Variants in CTBP1 observed in about 807,000 individuals in gnomAD.
The protein encoded by CTBP1 is C-terminal-binding protein 1.
A neutral mutation model predicts 42.1 loss-of-function variants in CTBP1; 11 were observed. The observed-to-expected ratio is 0.26, with a 90% CI of 0.16 to 0.43. The LOEUF (loss-of-function observed/expected upper bound fraction) is 0.43, where lower values mean the gene tolerates loss of function less well. Ranked by LOEUF, CTBP1 falls within the 20% of genes least tolerant of loss-of-function variation. CTBP1 has a pLI of 1.00. For synonymous variants in CTBP1, 324 were observed against 277.1 expected (o/e 1.17, Z -1.68); for missense variants, 399 against 624.3 (o/e 0.64, Z 3.85).
intron 1 of CTBP1, chr4:1,243,544 C>T (rs1288893014): frequency 1.0e-6 from 1 of 985,288 alleles, no homozygotes; most frequent in African/African-American, 1.7e-5. Context: ...GGTCTGCCCA[C>T]CATCTGCACC....
chr4:1,241,681 G>A (rs1732191966), intron 1 of CTBP1, 162 bp from the exon 2 acceptor site: 9 of 1,273,466 alleles, frequency 7.1e-6, no homozygotes, highest in African/African-American at 1.5e-5. Context: ...ACAGCCAGGG[G>A]CCCCGGCTCC....
chr4:1,245,034 G>A (rs1422781570), intron 1 of CTBP1: 36 of 985,320 alleles, frequency 3.7e-5, no homozygotes, highest in Non-Finnish European at 4.3e-5. Flanking sequence ...ACTGGGCTGA[G>A]AGCACGGGGC....
chr4:1,241,371 C>G lies in CTBP1; in HGVS notation c.-40G>C. On this transcript the variant is annotated 5_prime_UTR_variant, in exon 2 of 10. Coordinates refer to ENST00000382952, the MANE Select transcript of CTBP1 (RefSeq NM_001012614.2). ...TCAGCTTCCACGACCATGAATTCGACTTTTCAAAGCTTTTTATCTTCAGGA... is the reference window on the plus strand; with the variant it reads ...TCAGCTTCCACGACCATGAATTCGAGTTTTCAAAGCTTTTTATCTTCAGGA... 1 of 1,093,232 alleles carries G rather than the reference C, an allele frequency of 9.1e-7. No individual in the cohort carries two copies. The highest frequency in any genetic ancestry group is 1.4e-6 in the Non-Finnish European group (1 of 703,764). 67.7% of individuals were successfully genotyped at this position (1,093,232 alleles called of 1,614,324 possible).
chr4:1,230,275 C>G (rs925582910), intron 3 of CTBP1, among the ~76,000 whole-genome samples: 3 of 152,206 alleles, frequency 2.0e-5, no homozygotes, highest in African/African-American at 7.2e-5. Flanking sequence ...GCGACTGGTG[C>G]ACAGCTGTGG....
At position 1,212,326 on chromosome 4, in the gene CTBP1, G is replaced by T. The variant is rs1270025509; in HGVS notation, c.1204C>A (p.Pro402Thr). The change falls in exon 10 of 10, where the codon CCT becomes ACT. Residue 402 changes from proline (P) to threonine (T), a missense_variant. By Grantham distance (38) the Pro-to-Thr change is conservative (BLOSUM62 -1). This residue lies in a region of CTBP1 where 60 missense variants were observed against 46.5 expected (regional missense o/e 1.29). Coordinates refer to ENST00000382952, the MANE Select transcript of CTBP1 (RefSeq NM_001012614.2). ...GGGGCGTGGGGCGGGTGGGCCACAG[G>T]GGGCAGGCCGTGGGACAGGGACATG... ...SAMSLSHGLP[P>T]VAHPPHAPSP... 4 of 1,518,938 alleles carry T rather than the reference G, an allele frequency of 2.6e-6. No homozygotes were observed. The highest frequency in any genetic ancestry group is 2.9e-5 in the African/African-American group (2 of 69,398). The allele number at this position is 1,518,938 out of a possible 1,614,324, so 94.1% of individuals were successfully genotyped here.
At chr4:1,245,551 A>T (rs760292341) in intron 1 of CTBP1, 5 of 983,574 alleles carry the variant, frequency 5.1e-6, no homozygotes, top group Non-Finnish European at 6.0e-6. Context: ...GCGGCAGGTC[A>T]GGGTGGCACA....
Position 1,216,143 on chromosome 4 carries a change from C to T in CTBP1, c.577G>A (p.Asp193Asn). 1 of 1,611,210 alleles carries T rather than the reference C, an allele frequency of 6.2e-7. No individual in the cohort carries two copies. Among genetic ancestry groups the T allele is most frequent in the Non-Finnish European group, 8.5e-7 (1 of 1,179,868 alleles). Residue 193 changes from aspartate to asparagine, a missense_variant, in exon 6 of 10, where the codon GAC becomes AAC. Around this residue, in one of 4 missense-constraint regions of CTBP1, gnomAD observed 309 missense variants for 497.5 expected, o/e 0.62. Coordinates refer to ENST00000382952, the MANE Select transcript of CTBP1 (RefSeq NM_001012614.2). ...KAFGFNVLFY[D>N]PYLSDGVERA... is the part of the protein sequence containing the mutation. ...TCCACGCCATCCGACAAGTAAGGGT[C>T]GTAGAAGAGCACGTTGAAGCCGAAG... is the stretch of plus-strand genomic sequence containing the variant.
At position 1,214,374 on chromosome 4, in the gene CTBP1, C is replaced by T; in HGVS notation, c.829G>A (p.Ala277Thr). 1 of 1,566,594 alleles carries T rather than the reference C, an allele frequency of 6.4e-7. No homozygotes were observed. Among genetic ancestry groups the T allele is most frequent in the Non-Finnish European group, 8.6e-7 (1 of 1,162,106 alleles). The change falls in exon 7 of 10, where the codon GCC becomes ACC. Residue 277 changes from alanine (A) to threonine (T), a missense_variant. By Grantham distance (58) the Ala-to-Thr change is moderately conservative. Around this residue, in one of 4 missense-constraint regions of CTBP1, gnomAD observed 309 missense variants for 497.5 expected, o/e 0.62. Transcript: ENST00000382952. ...GGTTCCGACTCGTGCACATCCAGGG[C>T]CGCGCCGCGGATCCGGCCCTCCTTC... Reference protein sequence around the residue: ...ALKEGRIRGAALDVHESEPFS... With the variant: ...ALKEGRIRGATLDVHESEPFS...
intron 1 of CTBP1, among the ~76,000 whole-genome samples, chr4:1,248,062 C>A (rs1409828827): frequency 6.6e-6 from 1 of 152,236 alleles, no homozygotes; most frequent in Non-Finnish European, 1.5e-5. Flanking sequence ...GCCTTTGCAG[C>A]CGGGTCGAGG....
At chr4:1,215,737 A>T in intron 6 of CTBP1, 2 of 543,334 alleles carry the variant, frequency 3.7e-6, no homozygotes, top group Non-Finnish European at 6.6e-6. Context: ...GCTTCAGGGG[A>T]ATTTGGTGTT....
At position 1,234,046 on chromosome 4, in the gene CTBP1, G is replaced by A. The variant is rs1272222835; in HGVS notation, c.162+4137C>T. Among the ~76,000 whole-genome samples, 4 of 152,206 alleles carry A rather than the reference G, an allele frequency of 2.6e-5. No homozygotes were observed. The East Asian group carries it at 7.7e-4, about 29-fold the overall frequency. ...GTTCCAGCCAGCAGGGACGAGGAGGGGACGGCAGGGAGAGGCCCTGCTCCC... is the reference window on the plus strand; with the variant it reads ...GTTCCAGCCAGCAGGGACGAGGAGGAGACGGCAGGGAGAGGCCCTGCTCCC... On this transcript the variant is annotated intron_variant, in intron 3 of 9. Transcript: ENST00000382952.
At chr4:1,239,498 T>A (rs1045391094) in intron 2 of CTBP1, among the ~76,000 whole-genome samples, 4 of 152,196 alleles carry the variant, frequency 2.6e-5, no homozygotes, top group African/African-American at 9.6e-5. Context: ...CGGCCCAGTC[T>A]CCCGCCCCAT....
At chr4:1,243,717 G>A (rs1732426848) in intron 1 of CTBP1, 1 of 985,344 alleles carries the variant, frequency 1.0e-6, no homozygotes, top group African/African-American at 1.7e-5. Context: ...TGGCTGGCCG[G>A]TCAGGGTCAA....
At chr4:1,214,610 C>A (rs982064932) in intron 6 of CTBP1, 137 bp from the exon 7 acceptor site, 3 of 1,166,286 alleles carry the variant, frequency 2.6e-6, no homozygotes, top group Middle Eastern at 5.3e-4. Flanking sequence ...GGGCTCACCA[C>A]GGCGCTAGGA....
At position 1,211,496 on chromosome 4, in the gene CTBP1, C is replaced by T. The variant is rs1019373610; in HGVS notation, c.*744G>A. 1 of 152,464 alleles carries T rather than the reference C, an allele frequency of 6.6e-6. No homozygotes were observed. Among genetic ancestry groups the T allele is most frequent in the Non-Finnish European group, 1.5e-5 (1 of 68,034 alleles). The allele number at this position is 152,464 out of a possible 1,614,324, so 9.4% of individuals were successfully genotyped here. ...TTAAAATAATTCATACAAATGGTTA[C>T]AGTCACAAACATGATTTTAACCAAA... On this transcript the variant is annotated 3_prime_UTR_variant, in exon 10 of 10. Coordinates refer to ENST00000382952, the MANE Select transcript of CTBP1 (RefSeq NM_001012614.2).
Position 1,214,406 on chromosome 4 carries a change from T to G in CTBP1, c.797A>C (p.Gln266Pro). Residue 266 changes from glutamine (Q) to proline (P), a missense_variant, in exon 7 of 10, where the codon CAG becomes CCG. This residue lies in a region of CTBP1 where 309 missense variants were observed against 497.5 expected (regional missense o/e 0.62). Coordinates refer to ENST00000382952, the MANE Select transcript of CTBP1 (RefSeq NM_001012614.2). ...GGLVDEKALA[Q>P]ALKEGRIRGA... is the part of the protein sequence containing the mutation. Reference sequence around the variant, plus strand: ...GCGGATCCGGCCCTCCTTCAGGGCCTGGGCCAGCGCCTTCTCATCCACCAG... The same window carrying G: ...GCGGATCCGGCCCTCCTTCAGGGCCGGGGCCAGCGCCTTCTCATCCACCAG... The G allele has an allele frequency of 6.4e-7, 1 of 1,571,988 alleles. No individual in the cohort carries two copies. Among genetic ancestry groups the G allele is most frequent in the Admixed American group, 1.9e-5 (1 of 52,688 alleles).
Position 1,216,417 on chromosome 4 carries a change from CA to C in CTBP1, c.515-213del, listed in dbSNP as rs1300890267. ...CCACTGCCAAGGCGGAGGAGATGCA[CA>C]GGGGTGGAAAGGGTACACTAGCCCC... On this transcript the variant is annotated intron_variant, in intron 5 of 9. Coordinates refer to ENST00000382952, the MANE Select transcript of CTBP1 (RefSeq NM_001012614.2). The C allele has an allele frequency of 1.3e-5, 8 of 605,372 alleles. 1 individual carries two copies. In the East Asian group the frequency reaches 1.6e-4, roughly 12 times the overall value. 37.5% of individuals were successfully genotyped at this position (605,372 alleles called of 1,614,324 possible). A position where few individuals can be genotyped will look rare whatever the true frequency, so the allele number is the denominator to read the frequency against.
At chr4:1,214,284 A>G in intron 7 of CTBP1, 59 bp downstream of exon 7, 1 of 1,484,744 alleles carries the variant, frequency 6.7e-7, no homozygotes. Flanking sequence ...TCTGGAGGTC[A>G]AGGCCGGCAG....
chr4:1,242,777 A>G, intron 1 of CTBP1: 6 of 985,374 alleles, frequency 6.1e-6, no homozygotes, highest in Non-Finnish European at 7.2e-6. Flanking sequence ...AGATCTCCCC[A>G]TGGTACCCGG....
Sources: gnomAD v4.1 joint callset for allele counts (sites outside exome capture counted in the v4.1 genomes callset) on GRCh38, gnomAD v4.1.1 for gene constraint, gnomAD v4.1.1 regional missense constraint, MANE v1.5 for transcripts, NCBI Gene and HGNC (gene_info 2026-07-23, HGNC 2026-07-21) for gene names.